COL13A1: variants seen among roughly 807,000 people sequenced by gnomAD.
COL13A1 encodes the protein collagen type XIII alpha 1 chain.
COL13A1 carries 89 observed loss-of-function variants against 130.9 expected under a neutral mutation model. That is an observed-to-expected ratio of 0.68 (90% CI 0.57 to 0.81). COL13A1 has a LOEUF of 0.81. COL13A1 is among the 30% of genes least tolerant of loss of function. COL13A1 has a pLI of 0.00. For missense variants in COL13A1, 879 were observed against 934.6 expected (o/e 0.94, Z 0.78); for synonymous variants, 402 against 341.6 (o/e 1.18, Z -1.95).
intron 2 of COL13A1, among the ~76,000 whole-genome samples, chr10:69,845,458 G>A (rs1373043042): frequency 1.3e-5 from 2 of 152,116 alleles, no homozygotes; most frequent in Admixed American, 6.5e-5. Context: ...CTGCCAAAGT[G>A]CTGGGATTAC....
chr10:69,912,721 G>A (rs1046428476), intron 17 of COL13A1, among the ~76,000 whole-genome samples: 14 of 152,124 alleles, frequency 9.2e-5, no homozygotes, highest in Non-Finnish European at 1.5e-4. Context: ...TTACTTCCCC[G>A]TGCTTCCCTG....
At chr10:69,885,976 T>C (rs1458929635) in intron 7 of COL13A1, among the ~76,000 whole-genome samples, 2 of 152,174 alleles carry the variant, frequency 1.3e-5, no homozygotes, top group African/African-American at 4.8e-5. Context: ...GTGCCCATCC[T>C]ACCCAGCTGA....
chr10:69,926,039 G>T (rs571737345), intron 26 of COL13A1, 167 bp downstream of exon 26: 1 of 600,356 alleles, frequency 1.7e-6, no homozygotes. Flanking sequence ...TTGACCTCCC[G>T]CTGTGTAGCC....
At chr10:69,942,991 G>A (rs182957817) in intron 35 of COL13A1, among the ~76,000 whole-genome samples, 25 of 152,310 alleles carry the variant, frequency 1.6e-4, no homozygotes, top group Admixed American at 2.0e-4. Context: ...GGGATTACAG[G>A]CACCCACCAC....
chr10:69,942,719 G>A (rs1455961101), intron 35 of COL13A1, among the ~76,000 whole-genome samples: 4 of 152,224 alleles, frequency 2.6e-5, no homozygotes, highest in East Asian at 1.9e-4. Context: ...GCAGACACAC[G>A]TGGTACAGAC....
intron 31 of COL13A1, among the ~76,000 whole-genome samples, chr10:69,933,292 G>T (rs904598568): frequency 6.6e-6 from 1 of 152,082 alleles, no homozygotes; most frequent in Non-Finnish European, 1.5e-5. Flanking sequence ...CTTTGTAGGA[G>T]TTTGCCACAA....
At chr10:69,946,915 G>A (rs1011305472) in intron 37 of COL13A1, among the ~76,000 whole-genome samples, 20 of 152,136 alleles carry the variant, frequency 1.3e-4, no homozygotes, top group Admixed American at 1.1e-3. Flanking sequence ...AGCCTCCAGC[G>A]TAGCTCAGAC....
chr10:69,950,335 G>A (rs1411715009), intron 38 of COL13A1, among the ~76,000 whole-genome samples: 3 of 152,076 alleles, frequency 2.0e-5, no homozygotes, highest in African/African-American at 4.8e-5. Context: ...CGCAGGCAAC[G>A]TTACTACTCT....
chr10:69,889,327 A>ACAGGGAGGAGCACG, intron 9 of COL13A1, 87 bp from the exon 10 acceptor site: 7 of 924,158 alleles, frequency 7.6e-6, no homozygotes, highest in South Asian at 4.3e-5. Flanking sequence ...GGAGGAGCAC[A>ACAGGGAGGAGCACG]GGGGGCAGGG....
At chr10:69,889,617 G>A (rs1159412413) in intron 10 of COL13A1, among the ~76,000 whole-genome samples, 177 bp downstream of exon 10, 1 of 152,226 alleles carries the variant, frequency 6.6e-6, no homozygotes, top group African/African-American at 2.4e-5. Context: ...ATGCAGGGAG[G>A]AGAAATGGGC....
At chr10:69,858,281 G>GCTTACT (rs1363478103) in intron 2 of COL13A1, among the ~76,000 whole-genome samples, 36 of 152,242 alleles carry the variant, frequency 2.4e-4, no homozygotes, top group Admixed American at 1.5e-3. Context: ...TTTATTGAGT[G>GCTTACT]CTTACTCTAA....
In COL13A1 at chr10:69,904,925, T is replaced by C; in HGVS notation, c.859-8T>C. The C allele has an allele frequency of 1.3e-6, 2 of 1,537,878 alleles. No individual in the cohort carries two copies. The highest frequency in any genetic ancestry group is 1.8e-6 in the Non-Finnish European group (2 of 1,142,310). Reference sequence around the variant, plus strand: ...TTTTTCTTTTTTTTTTTTTTTTTGCTTCCACAGGGCTTACCTGGGCCTCCT... The same window carrying C: ...TTTTTCTTTTTTTTTTTTTTTTTGCCTCCACAGGGCTTACCTGGGCCTCCT... On this transcript the variant is annotated splice_region_variant and splice_polypyrimidine_tract_variant and intron_variant, in intron 15 of 40. Coordinates refer to ENST00000645393, the MANE Select transcript of COL13A1 (RefSeq NM_001368882.1).
In COL13A1 at chr10:69,922,748, G is replaced by A. The variant is rs761948329; in HGVS notation, c.1184G>A (p.Arg395Lys). Reference sequence around the variant, plus strand: ...GCTGGCAACTCCATTGGAGGAGGCAGAGGGGAACCTGGCCCTCCAGGGCTC... The same window carrying A: ...GCTGGCAACTCCATTGGAGGAGGCAAAGGGGAACCTGGCCCTCCAGGGCTC... Reference protein sequence around the residue: ...GDAGNSIGGGRGEPGPPGLPG... With the variant: ...GDAGNSIGGGKGEPGPPGLPG... Residue 395 changes from arginine (R) to lysine (K), a missense_variant, in exon 23 of 41, where the codon AGA becomes AAA. Physicochemically the swap from Arg to Lys is conservative, Grantham distance 26 (BLOSUM62 2). Coordinates refer to ENST00000645393, the MANE Select transcript of COL13A1 (RefSeq NM_001368882.1). 6 of 1,606,360 alleles carry A rather than the reference G, an allele frequency of 3.7e-6. No individual in the cohort carries two copies. Among genetic ancestry groups the A allele is most frequent in the Non-Finnish European group, 4.2e-6 (5 of 1,176,952 alleles).
intron 2 of COL13A1, among the ~76,000 whole-genome samples, chr10:69,833,982 G>C (rs947963642): frequency 1.3e-5 from 2 of 152,194 alleles, no homozygotes; most frequent in African/African-American, 2.4e-5. Flanking sequence ...GTATCCAGCT[G>C]TGTATAGCTC....
chr10:69,929,136 G>A (rs1308421726), intron 28 of COL13A1, 137 bp downstream of exon 28: 24 of 650,924 alleles, frequency 3.7e-5, no homozygotes, highest in African/African-American at 3.0e-4. Flanking sequence ...CAGGGGACCC[G>A]CCCACCCACC....
intron 10 of COL13A1, among the ~76,000 whole-genome samples, chr10:69,892,137 T>A (rs565331035): frequency 6.6e-6 from 1 of 152,350 alleles, no homozygotes; most frequent in East Asian, 1.9e-4. Flanking sequence ...AGATCCCCTG[T>A]CTGCCTCATC....
At chr10:69,953,394 A>G (rs955849706) in intron 39 of COL13A1, among the ~76,000 whole-genome samples, 4 of 152,194 alleles carry the variant, frequency 2.6e-5, no homozygotes, top group African/African-American at 9.7e-5. Flanking sequence ...CTTGATCAGG[A>G]TGCAGGACAC....
At chr10:69,802,882 A>C (rs1419229746) in intron 1 of COL13A1, among the ~76,000 whole-genome samples, 165 bp downstream of exon 1, 2 of 152,150 alleles carry the variant, frequency 1.3e-5, no homozygotes, top group Non-Finnish European at 2.9e-5. Flanking sequence ...CTGCCCTACC[A>C]GGGATTCGGA....
At chr10:69,849,355 G>A (rs1268760611) in intron 2 of COL13A1, among the ~76,000 whole-genome samples, 8 of 152,080 alleles carry the variant, frequency 5.3e-5, no homozygotes, top group Non-Finnish European at 5.9e-5. Flanking sequence ...GGGGTGGGGG[G>A]CGCTTCCGCA....
Sources: gnomAD v4.1 joint callset for allele counts (sites outside exome capture counted in the v4.1 genomes callset) on GRCh38, gnomAD v4.1.1 for gene constraint, MANE v1.5 for transcripts, NCBI Gene and HGNC (gene_info 2026-07-23, HGNC 2026-07-21) for gene names.